Variants in DOCK3 observed in about 807,000 individuals in gnomAD.
The protein encoded by DOCK3 is dedicator of cytokinesis protein 3.
A neutral mutation model predicts 265.6 loss-of-function variants in DOCK3; 60 were observed. That is an observed-to-expected ratio of 0.23 (90% confidence interval 0.18 to 0.28). The LOEUF is 0.28. DOCK3 is among the 10% of genes least tolerant of loss of function. The pLI is 1.00. For missense variants in DOCK3, 1,981 were observed against 2,594.3 expected, an observed-to-expected ratio of 0.76 and a Z score of 5.14; for synonymous variants, 881 against 938.0, an observed-to-expected ratio of 0.94 and a Z score of 1.11.
chr3:51,335,178 A>G (rs984695415), intron 35 of DOCK3, among the ~76,000 whole-genome samples: 1 of 152,074 alleles, frequency 6.6e-6, no homozygotes, highest in Non-Finnish European at 1.5e-5. Flanking sequence ...CAACTAAAGT[A>G]TACATATGTA....
intron 31 of DOCK3, among the ~76,000 whole-genome samples, chr3:51,313,879 A>G (rs1466944841): frequency 6.6e-6 from 1 of 152,216 alleles, no homozygotes; most frequent in Non-Finnish European, 1.5e-5. Flanking sequence ...TGAAATTCCC[A>G]GGAATGCAAG....
chr3:50,779,933 A>G (rs974229875), intron 2 of DOCK3, among the ~76,000 whole-genome samples: 6 of 152,316 alleles, frequency 3.9e-5, no homozygotes, highest in African/African-American at 1.2e-4. Context: ...GCCATCTCAG[A>G]TGGTATAATG....
chr3:51,297,536 C>T (rs746043768), intron 27 of DOCK3, among the ~76,000 whole-genome samples: 2 of 152,088 alleles, frequency 1.3e-5, no homozygotes, highest in Non-Finnish European at 2.9e-5. Context: ...ATAGACATTT[C>T]CCCAGAGAAG....
chr3:51,023,673 C>T (rs1291071849), intron 5 of DOCK3, among the ~76,000 whole-genome samples: 1 of 152,180 alleles, frequency 6.6e-6, no homozygotes, highest in East Asian at 1.9e-4. Context: ...GCCTTGGCCT[C>T]CCAAAGTGCT....
At position 50,813,322 on chromosome 3, in the gene DOCK3, G is replaced by A. The variant is rs1262015846; in HGVS notation, c.122-28353G>A. Among the ~76,000 whole-genome samples, 4 of 152,142 alleles carry A rather than the reference G, an allele frequency of 2.6e-5. No homozygotes were observed. In the East Asian group the frequency reaches 5.8e-4, roughly 22 times the overall value. ...ACTGAGGCGAGAGAGAATCACTTGAGGCTAGGAGTTTGAGACCAGCCTGGG... is the reference window on the plus strand; with the variant it reads ...ACTGAGGCGAGAGAGAATCACTTGAAGCTAGGAGTTTGAGACCAGCCTGGG... On this transcript the variant is annotated intron_variant, in intron 2 of 52. Transcript: ENST00000266037.
rs576522244 is a variant in DOCK3, at chr3:50,737,963, T to A, written c.38-40712T>A. Among the ~76,000 whole-genome samples, 3 of 152,346 alleles carry A rather than the reference T, an allele frequency of 2.0e-5. No individual in the cohort carries two copies. The East Asian group carries it at 5.8e-4, about 29-fold the overall frequency. On this transcript the variant is annotated intron_variant, in intron 1 of 52. Transcript: ENST00000266037. ...TGGTGTCATAATTCCTTATTTGTGA[T>A]CCTCTTGGCCTTGGGTTCTTGTCTT...
intron 4 of DOCK3, among the ~76,000 whole-genome samples, chr3:50,906,887 G>A (rs1230586783): frequency 2.0e-5 from 3 of 151,984 alleles, no homozygotes; most frequent in Non-Finnish European, 4.4e-5. Context: ...TCTTTTGTGG[G>A]CATTTAGTGC....
intron 1 of DOCK3, among the ~76,000 whole-genome samples, chr3:50,748,565 A>G (rs2039598631): frequency 6.6e-6 from 1 of 152,220 alleles, no homozygotes; most frequent in South Asian, 2.1e-4. Flanking sequence ...TCCGCTCTTC[A>G]AGGAAGAAAG....
chr3:50,863,421 C>A (rs2047004355), intron 3 of DOCK3: 1 of 519,826 alleles, frequency 1.9e-6, no homozygotes, highest in African/African-American at 1.9e-5. Flanking sequence ...GTTACAAGGG[C>A]AGAGGGTCTT....
intron 9 of DOCK3, among the ~76,000 whole-genome samples, chr3:51,116,539 T>C (rs1380432853): frequency 6.6e-6 from 1 of 151,924 alleles, no homozygotes; most frequent in Non-Finnish European, 1.5e-5. Flanking sequence ...ATTGAATCTA[T>C]GAATTACTTT....
rs9844965 is a variant in DOCK3, at chr3:50,960,410, G to A, written c.315+26333G>A. On this transcript the variant is annotated intron_variant, in intron 5 of 52. Transcript: ENST00000266037. ...ATAACCATTCTCTGTGTGAGAAATG[G>A]TATCTCGTAGTTTTTATTTGCATTT... is the stretch of plus-strand genomic sequence containing the variant. Among the ~76,000 whole-genome samples, 417 of 152,094 alleles carry A rather than the reference G, an allele frequency of 2.7e-3. 1 individual carries two copies. Among genetic ancestry groups the A allele is most frequent in the African/African-American group, 9.6e-3 (399 of 41,504 alleles).
At chr3:50,897,866 G>A (rs2048974408) in intron 4 of DOCK3, among the ~76,000 whole-genome samples, 1 of 99,304 alleles carries the variant, frequency 1.0e-5, no homozygotes, top group Non-Finnish European at 2.0e-5. Flanking sequence ...ACGTGCTGCT[G>A]GATTCGTTTT....
intron 1 of DOCK3, among the ~76,000 whole-genome samples, chr3:50,691,607 T>C (rs962680488): frequency 1.3e-5 from 2 of 152,226 alleles, no homozygotes; most frequent in African/African-American, 4.8e-5. Flanking sequence ...AACAATATGA[T>C]AATTCTGTCT....
Position 51,361,333 on chromosome 3 carries a change from G to T in DOCK3, c.5007-526G>T, listed in dbSNP as rs1399693644. Among the ~76,000 whole-genome samples the T allele has an allele frequency of 6.6e-6, 1 of 152,186 alleles. No individual in the cohort carries two copies. Among genetic ancestry groups the T allele is most frequent in the Middle Eastern group, 3.2e-3 (1 of 316 alleles). ...GACAAATGAATGAGAAGCTTTCCTG[G>T]TATTGCTAGAGGAGAGCTATTGACA... On this transcript the variant is annotated intron_variant, in intron 47 of 52. Coordinates refer to ENST00000266037, the MANE Select transcript of DOCK3 (RefSeq NM_004947.5). This position sits in a 1 kb window ranked among gnomAD's most constrained non-coding sequence, Gnocchi z 4.2.
intron 27 of DOCK3, among the ~76,000 whole-genome samples, chr3:51,307,900 T>C (rs997915034): frequency 4.6e-5 from 7 of 151,098 alleles, no homozygotes; most frequent in Middle Eastern, 3.5e-3. Flanking sequence ...TGTTTTTTTT[T>C]TCTCTCCAAC....
At chr3:51,114,614 G>C (rs1466476659) in intron 9 of DOCK3, among the ~76,000 whole-genome samples, 10 of 152,164 alleles carry the variant, frequency 6.6e-5, no homozygotes, top group Admixed American at 6.5e-4. Context: ...AAACAAAATG[G>C]ACAGGGTTAG....
Position 50,865,103 on chromosome 3 carries a change from A to G in DOCK3, c.162+23388A>G, listed in dbSNP as rs190418813. Among the ~76,000 whole-genome samples, 550 of 152,262 alleles carry G rather than the reference A, an allele frequency of 3.6e-3. 5 individuals are homozygous for G. Among genetic ancestry groups the G allele is most frequent in the Non-Finnish European group, 3.2e-3 (221 of 68,016 alleles). ...AATGTGTAACAGTCATACCATGGAGAATGGGGTATCTATCCCCTCAAGCTT... is the reference window on the plus strand; with the variant it reads ...AATGTGTAACAGTCATACCATGGAGGATGGGGTATCTATCCCCTCAAGCTT... On this transcript the variant is annotated intron_variant, in intron 3 of 52. Transcript: ENST00000266037.
chr3:51,146,702 C>G, intron 10 of DOCK3, 72 bp downstream of exon 10: 1 of 1,383,226 alleles, frequency 7.2e-7, no homozygotes, highest in Non-Finnish European at 1.0e-6. Flanking sequence ...ATACTGTCAC[C>G]CTGGAAACAA....
intron 22 of DOCK3, among the ~76,000 whole-genome samples, chr3:51,255,672 C>T (rs893797922): frequency 6.6e-6 from 1 of 152,240 alleles, no homozygotes; most frequent in African/African-American, 2.4e-5. Context: ...GAAGCTTGTG[C>T]ATGCATCACA....
Sources: gnomAD v4.1 joint callset for allele counts (sites outside exome capture counted in the v4.1 genomes callset) on GRCh38, gnomAD v4.1.1 for gene constraint, Gnocchi (gnomAD v3.1) non-coding constraint, MANE v1.5 for transcripts, NCBI Gene and HGNC (gene_info 2026-07-23, HGNC 2026-07-21) for gene names.